ZNF385D: variants seen among roughly 807,000 people sequenced by gnomAD.
ZNF385D encodes the protein zinc finger protein 385D.
ZNF385D carries 15 observed loss-of-function variants against 35.8 expected under a neutral mutation model. That is an observed-to-expected ratio of 0.42 (90% CI 0.28 to 0.64). The LOEUF (loss-of-function observed/expected upper bound fraction) is 0.64, where lower values mean the gene tolerates loss of function less well. ZNF385D is among the 30% of genes least tolerant of loss of function. The pLI is 0.23. For missense variants in ZNF385D, 474 were observed against 494.6 expected, an observed-to-expected ratio of 0.96 and a Z score of 0.39; for synonymous variants, 212 against 186.8, an observed-to-expected ratio of 1.13 and a Z score of -1.10.
chr3:22,305,065 T>C (rs1359090813), intron 2 of ZNF385D, among the ~76,000 whole-genome samples: 1 of 152,098 alleles, frequency 6.6e-6, no homozygotes, highest in African/African-American at 2.4e-5. Context: ...CCTTATCTCA[T>C]CCAGTTCTCT....
chr3:22,099,986 G>GA (rs1258518863), intron 3 of ZNF385D, among the ~76,000 whole-genome samples: 3 of 151,704 alleles, frequency 2.0e-5, no homozygotes, highest in Admixed American at 1.3e-4. Flanking sequence ...AAATTTACAA[G>GA]AAAAAAACAA....
At chr3:21,928,278 A>AGAGGAAGGAAGGAAGGAGG (rs1559762725) in intron 3 of ZNF385D, among the ~76,000 whole-genome samples, 2 of 121,230 alleles carry the variant, frequency 1.6e-5, no homozygotes, top group East Asian at 3.0e-4. Flanking sequence ...AGGAAGGAAG[A>AGAGGAAGGAAGGAAGGAGG]GAGGAAGGAA....
At chr3:21,706,850 AGAT>A (rs1216022199) in intron 1 of ZNF385D, among the ~76,000 whole-genome samples, 2 of 137,436 alleles carry the variant, frequency 1.5e-5, no homozygotes, top group African/African-American at 5.1e-5. Context: ...ATAGATAGAT[AGAT>A]AAATAGATTA....
Position 22,114,664 on chromosome 3 carries a change from C to T in ZNF385D, c.325+54153G>A, listed in dbSNP as rs556004594. ...TTTGTGTGGATTATATCTCAGAGTT[C>T]TCCCAGGTCAGGGGTGAAGATGCTG... On this transcript the variant is annotated intron_variant, in intron 3 of 5. Coordinates refer to the ZNF385D transcript ENST00000494108. Among the ~76,000 whole-genome samples, 38 of 152,180 alleles carry T rather than the reference C, an allele frequency of 2.5e-4. 1 individual carries two copies. The highest frequency in any genetic ancestry group is 5.2e-4 in the Admixed American group (8 of 15,244).
At chr3:21,733,563 G>A (rs527413326) in intron 1 of ZNF385D, among the ~76,000 whole-genome samples, 101 of 152,098 alleles carry the variant, frequency 6.6e-4, no homozygotes, top group African/African-American at 2.3e-3. Context: ...CTTAATTTAT[G>A]AATTATTTTT....
At chr3:22,212,895 G>A (rs992376398) in intron 2 of ZNF385D, among the ~76,000 whole-genome samples, 1 of 151,888 alleles carries the variant, frequency 6.6e-6, no homozygotes, top group Admixed American at 6.6e-5. Context: ...AAGATGCACA[G>A]CCAAATTGAT....
At chr3:22,321,738 G>C (rs1185164139) in intron 2 of ZNF385D, among the ~76,000 whole-genome samples, 1 of 152,000 alleles carries the variant, frequency 6.6e-6, no homozygotes, top group Non-Finnish European at 1.5e-5. Flanking sequence ...TATTTCAAAT[G>C]CTATTTCCTA....
intron 3 of ZNF385D, among the ~76,000 whole-genome samples, chr3:21,840,775 T>A (rs909280974): frequency 1.3e-5 from 2 of 152,012 alleles, no homozygotes; most frequent in Non-Finnish European, 2.9e-5. Flanking sequence ...TTTCATTCAT[T>A]CAAAAAAGTT....
chr3:22,105,764 C>G (rs1019855913), intron 3 of ZNF385D, among the ~76,000 whole-genome samples: 1 of 152,134 alleles, frequency 6.6e-6, no homozygotes, highest in African/African-American at 2.4e-5. Context: ...GGAGGGCCAT[C>G]TGCTTTACTC....
At chr3:21,496,447 CAT>C (rs1286000483) in intron 4 of ZNF385D, among the ~76,000 whole-genome samples, 7 of 123,294 alleles carry the variant, frequency 5.7e-5, no homozygotes, top group South Asian at 2.3e-4. Flanking sequence ...TATATACACA[CAT>C]ATTTGATATA....
chr3:22,257,425 C>A, intron 2 of ZNF385D, among the ~76,000 whole-genome samples: 1 of 151,790 alleles, frequency 6.6e-6, no homozygotes, highest in East Asian at 1.9e-4. Context: ...ATGATTGCAT[C>A]TTCTTGATGT....
At chr3:22,129,030 A>T (rs1008442430) in intron 3 of ZNF385D, among the ~76,000 whole-genome samples, 4 of 152,198 alleles carry the variant, frequency 2.6e-5, no homozygotes, top group African/African-American at 9.6e-5. Flanking sequence ...CACTGCAGCC[A>T]TATGGGCATT....
rs114482563 is a variant in ZNF385D, at chr3:22,142,207, T to C, written c.325+26610A>G. 8.4e-3 allele frequency among the ~76,000 whole-genome samples: 1,278 copies of C among 152,334 alleles called. 14 individuals are homozygous for C. Among genetic ancestry groups the C allele is most frequent in the African/African-American group, 0.022 (922 of 41,582 alleles). On this transcript the variant is annotated intron_variant, in intron 3 of 5. Transcript: ENST00000494108. The stretch of plus-strand genomic sequence containing the variant: ...GTACCATGTTATATTTTCTTCAGTA[T>C]GTTCTTTACTAGTGTTTTTACTATG...
chr3:21,861,380 T>C (rs1697046825), intron 3 of ZNF385D, among the ~76,000 whole-genome samples: 1 of 152,186 alleles, frequency 6.6e-6, no homozygotes, highest in South Asian at 2.1e-4. Context: ...TGCATTTATC[T>C]AATTGCCTTC....
At chr3:22,189,223 A>G (rs554580416) in intron 2 of ZNF385D, among the ~76,000 whole-genome samples, 1 of 152,222 alleles carries the variant, frequency 6.6e-6, no homozygotes, top group Admixed American at 6.6e-5. Flanking sequence ...CTGAGAGAGG[A>G]TCCATTAGGT....
At chr3:22,157,806 T>C (rs1473636882) in intron 3 of ZNF385D, among the ~76,000 whole-genome samples, 1 of 152,158 alleles carries the variant, frequency 6.6e-6, no homozygotes, top group African/African-American at 2.4e-5. Flanking sequence ...AAAATATGAC[T>C]TGTTCATATC....
At chr3:22,159,537 G>A (rs987669520) in intron 3 of ZNF385D, among the ~76,000 whole-genome samples, 4 of 152,018 alleles carry the variant, frequency 2.6e-5, no homozygotes, top group Non-Finnish European at 5.9e-5. Flanking sequence ...AGAAATCTCT[G>A]TGTTGCAAAA....
chr3:21,436,776 C>G, intron 5 of ZNF385D, 194 bp downstream of exon 5: 1 of 586,162 alleles, frequency 1.7e-6, no homozygotes, highest in Non-Finnish European at 3.0e-6. Flanking sequence ...GGACTTCGAG[C>G]CCTGGAAACC....
intron 2 of ZNF385D, among the ~76,000 whole-genome samples, chr3:22,343,732 G>A (rs1051479456): frequency 6.6e-6 from 1 of 152,222 alleles, no homozygotes; most frequent in African/African-American, 2.4e-5. Context: ...AGTTTTTAAT[G>A]CTTGCATCTG....
Sources: gnomAD v4.1 joint callset for allele counts (sites outside exome capture counted in the v4.1 genomes callset) on GRCh38, gnomAD v4.1.1 for gene constraint, MANE v1.5 for transcripts, NCBI Gene and HGNC (gene_info 2026-07-23, HGNC 2026-07-21) for gene names.